The following UTRN variants were observed in gnomAD, a reference collection of about 807,000 sequenced individuals.
UTRN encodes the protein utrophin, also known as dystrophin-related protein 1.
UTRN carries 283 observed loss-of-function variants against 463.9 expected under a neutral mutation model. The observed-to-expected ratio is 0.61, with a 90% CI of 0.55 to 0.67. The LOEUF is 0.67. Ranked by LOEUF, UTRN falls within the 30% of genes least tolerant of loss-of-function variation. UTRN has a pLI of 0.00. For missense variants in UTRN, 3,922 were observed against 4,084.3 expected, an observed-to-expected ratio of 0.96 and a Z score of 1.08; for synonymous variants, 1,442 against 1,431.5, an observed-to-expected ratio of 1.01 and a Z score of -0.17.
chr6:144,509,450 G>T (rs114551921), intron 34 of UTRN, among the ~76,000 whole-genome samples: 1 of 151,932 alleles, frequency 6.6e-6, no homozygotes, highest in African/African-American at 2.4e-5. Flanking sequence ...AAGACTCAAA[G>T]CAATGAAAAA....
chr6:144,493,481 ATC>A (rs1379801222), intron 33 of UTRN, 25 bp downstream of exon 33: 2 of 1,599,272 alleles, frequency 1.3e-6, no homozygotes, highest in Admixed American at 3.4e-5. Flanking sequence ...CCCACAGCTC[ATC>A]TCTCTGTCTC....
At chr6:144,778,258 C>G (rs11751954) in intron 60 of UTRN, among the ~76,000 whole-genome samples, 31,881 of 151,860 alleles carry the variant, frequency 0.21, 4,469 homozygotes, top group Admixed American at 0.36. Context: ...ACTGATGACT[C>G]GGGGTATTGG....
chr6:144,663,885 A>G (rs557160263), intron 51 of UTRN, among the ~76,000 whole-genome samples: 1 of 152,298 alleles, frequency 6.6e-6, no homozygotes, highest in Non-Finnish European at 1.5e-5. Flanking sequence ...TGTGTCCTCA[A>G]TAAGATATAG....
intron 73 of UTRN, among the ~76,000 whole-genome samples, chr6:144,842,802 C>T (rs963168980): frequency 1.3e-5 from 2 of 151,704 alleles, no homozygotes; most frequent in East Asian, 1.9e-4. Flanking sequence ...GTCTCCACAC[C>T]CACCTCCCCA....
At chr6:144,708,839 C>G (rs76494056) in intron 53 of UTRN, among the ~76,000 whole-genome samples, 10,063 of 152,176 alleles carry the variant, frequency 0.066, 620 homozygotes, top group East Asian at 0.23. Flanking sequence ...GCTCACAGTT[C>G]CAGAGGCGGG....
chr6:144,840,688 G>C, intron 72 of UTRN, 52 bp from the exon 73 acceptor site: 2 of 1,600,744 alleles, frequency 1.2e-6, no homozygotes, highest in Non-Finnish European at 1.7e-6. Context: ...TTTAGTGGAA[G>C]GCTAGACATT....
At chr6:144,609,109 A>G (rs1805195887) in intron 51 of UTRN, among the ~76,000 whole-genome samples, 1 of 152,234 alleles carries the variant, frequency 6.6e-6, no homozygotes, top group Admixed American at 6.5e-5. Flanking sequence ...GGGGAAATAA[A>G]GAATAGATTA....
At chr6:144,326,822 A>G (rs1776003219) in intron 2 of UTRN, among the ~76,000 whole-genome samples, 1 of 152,102 alleles carries the variant, frequency 6.6e-6, no homozygotes, top group Admixed American at 6.5e-5. Flanking sequence ...CAGTCCAGTT[A>G]TTTTCCCCTA....
intron 2 of UTRN, among the ~76,000 whole-genome samples, chr6:144,402,440 A>C (rs565492634): frequency 6.6e-6 from 1 of 152,206 alleles, no homozygotes; most frequent in African/African-American, 2.4e-5. Context: ...CCATATTTCA[A>C]AAGTTCAGGG....
At chr6:144,705,605 CA>C (rs1021290868) in intron 53 of UTRN, among the ~76,000 whole-genome samples, 1 of 152,126 alleles carries the variant, frequency 6.6e-6, no homozygotes. Flanking sequence ...AATCACCTTC[CA>C]AAGACCCACC....
At chr6:144,591,498 A>G (rs1294069210) in intron 51 of UTRN, among the ~76,000 whole-genome samples, 1 of 152,196 alleles carries the variant, frequency 6.6e-6, no homozygotes, top group Admixed American at 6.5e-5. Context: ...ACCCACAAAG[A>G]AACTGATATA....
At chr6:144,319,128 A>G (rs768992266) in intron 2 of UTRN, among the ~76,000 whole-genome samples, 1 of 148,768 alleles carries the variant, frequency 6.7e-6, no homozygotes, top group Non-Finnish European at 1.5e-5. Context: ...GTTAATTTTT[A>G]TAATATTTAG....
chr6:144,478,212 G>A (rs1487197178), intron 25 of UTRN, among the ~76,000 whole-genome samples: 1 of 152,064 alleles, frequency 6.6e-6, no homozygotes, highest in Non-Finnish European at 1.5e-5. Context: ...CTGAAAAAAA[G>A]GAACATTTTA....
chr6:144,795,487 A>G (rs1181797788), intron 63 of UTRN, among the ~76,000 whole-genome samples: 1 of 152,206 alleles, frequency 6.6e-6, no homozygotes, highest in Admixed American at 6.5e-5. Context: ...CACTCCCACC[A>G]ACAGTGTAAA....
At chr6:144,603,731 A>G (rs983497213) in intron 51 of UTRN, among the ~76,000 whole-genome samples, 2 of 152,236 alleles carry the variant, frequency 1.3e-5, no homozygotes, top group African/African-American at 4.8e-5. Context: ...AGACATTCCA[A>G]TGATTTATTA....
At chr6:144,519,154 A>C (rs1795876870) in intron 39 of UTRN, among the ~76,000 whole-genome samples, 1 of 152,186 alleles carries the variant, frequency 6.6e-6, no homozygotes, top group Non-Finnish European at 1.5e-5. Context: ...TGAGCACTTT[A>C]TAAAGATATT....
chr6:144,303,238 G>C (rs1356008110), intron 2 of UTRN, among the ~76,000 whole-genome samples: 1 of 152,152 alleles, frequency 6.6e-6, no homozygotes, highest in African/African-American at 2.4e-5. Context: ...TTAGTAACAG[G>C]GTGTGCAAAG....
rs575509573 is a variant in UTRN, at chr6:144,349,776, A to C, written c.80-53347A>C. ...TTTTCACTTGCGTTCTCTGACCCCTACTTAGAGGGCACCAGGTGCTTCCTA... is the reference window on the plus strand; with the variant it reads ...TTTTCACTTGCGTTCTCTGACCCCTCCTTAGAGGGCACCAGGTGCTTCCTA... On this transcript the variant is annotated intron_variant, in intron 2 of 74. Transcript: ENST00000367545. Among the ~76,000 whole-genome samples, 7 of 152,218 alleles carry C rather than the reference A, an allele frequency of 4.6e-5. No individual in the cohort carries two copies. In the East Asian group the frequency reaches 7.7e-4, roughly 17 times the overall value.
chr6:144,741,645 T>C (rs1170594602), intron 54 of UTRN, among the ~76,000 whole-genome samples: 3 of 152,142 alleles, frequency 2.0e-5, no homozygotes, highest in Non-Finnish European at 4.4e-5. Flanking sequence ...TTCACTTGAA[T>C]AAATCGCAAA....
Sources: allele counts gnomAD v4.1 joint callset (sites outside exome capture counted in the v4.1 genomes callset), GRCh38; gene constraint gnomAD v4.1.1; transcripts MANE v1.5; gene names NCBI Gene and HGNC (gene_info 2026-07-23, HGNC 2026-07-21).